Variants in DAB1 observed in about 807,000 individuals in gnomAD.
The protein encoded by DAB1 is disabled homolog 1.
In DAB1, 15 loss-of-function variants were observed where a neutral mutation model predicts 64.6. The observed-to-expected ratio is 0.23, with a 90% CI of 0.16 to 0.36. The LOEUF (loss-of-function observed/expected upper bound fraction) is 0.36. DAB1 is among the 10% of genes least tolerant of loss of function. The pLI, the probability that DAB1 is intolerant of heterozygous loss-of-function variation, is 1.00. For missense variants in DAB1, 596 were observed against 706.7 expected, an observed-to-expected ratio of 0.84 and a Z score of 1.78; for synonymous variants, 235 against 251.9, an observed-to-expected ratio of 0.93 and a Z score of 0.64.
chr1:57,123,811 T>C (rs1401536477), intron 4 of DAB1, among the ~76,000 whole-genome samples: 3 of 152,168 alleles, frequency 2.0e-5, no homozygotes, highest in Non-Finnish European at 1.5e-5. Context: ...GCGTGTATAG[T>C]TTAATTTCAA....
At chr1:57,685,870 A>G (rs3131761) in intron 6 of DAB1, among the ~76,000 whole-genome samples, 112,018 of 152,100 alleles carry the variant, frequency 0.74, 42,155 homozygotes, top group East Asian at 0.92. Flanking sequence ...TATGAAGATA[A>G]TGATACAACT....
chr1:57,952,041 T>C (rs1382480390), intron 5 of DAB1, among the ~76,000 whole-genome samples: 1 of 152,178 alleles, frequency 6.6e-6, no homozygotes, highest in Non-Finnish European at 1.5e-5. Context: ...TCTTTCTTCC[T>C]TTTACTAATG....
intron 6 of DAB1, among the ~76,000 whole-genome samples, chr1:57,746,797 T>C (rs1460246927): frequency 6.6e-6 from 1 of 152,214 alleles, no homozygotes; most frequent in Non-Finnish European, 1.5e-5. Flanking sequence ...TCCTTCCCCT[T>C]CATATTTTCA....
intron 6 of DAB1, among the ~76,000 whole-genome samples, chr1:57,739,985 G>C (rs1053966595): frequency 6.8e-6 from 1 of 146,610 alleles, no homozygotes; most frequent in Non-Finnish European, 1.5e-5. Context: ...ACTTGAGGCT[G>C]GGAGTCCAAG....
At chr1:57,299,215 G>T (rs1673436485) in intron 1 of DAB1, among the ~76,000 whole-genome samples, 1 of 152,164 alleles carries the variant, frequency 6.6e-6, no homozygotes, top group Admixed American at 6.5e-5. Flanking sequence ...GTATCTGATG[G>T]TCTAACTTTT....
intron 6 of DAB1, among the ~76,000 whole-genome samples, chr1:57,684,399 G>C (rs1367621972): frequency 6.6e-6 from 1 of 151,994 alleles, no homozygotes; most frequent in African/African-American, 2.4e-5. Flanking sequence ...CATATACAAA[G>C]GGAACTCTAT....
intron 2 of DAB1, among the ~76,000 whole-genome samples, chr1:57,266,590 C>T (rs1670606596): frequency 6.6e-6 from 1 of 152,190 alleles, no homozygotes. Context: ...TACTGGACTA[C>T]AGCAATTTTG....
At chr1:57,729,893 TC>T (rs1647336243) in intron 6 of DAB1, among the ~76,000 whole-genome samples, 1 of 152,120 alleles carries the variant, frequency 6.6e-6, no homozygotes, top group African/African-American at 2.4e-5. Flanking sequence ...AGACCCCATC[TC>T]TAAAATAAAA....
chr1:58,432,846 C>T (rs1370851562), intron 3 of DAB1, among the ~76,000 whole-genome samples: 1 of 152,216 alleles, frequency 6.6e-6, no homozygotes, highest in African/African-American at 2.4e-5. Flanking sequence ...AACTGGGCTT[C>T]TTTCAGGGCT....
intron 2 of DAB1, among the ~76,000 whole-genome samples, chr1:57,252,482 TCTC>T (rs767705588): frequency 6.6e-6 from 1 of 152,184 alleles, no homozygotes; most frequent in Non-Finnish European, 1.5e-5. Flanking sequence ...AGTTTGGTGA[TCTC>T]CTTTAACACA....
rs71043285 is a variant in DAB1 at position 58,300,544 on chromosome 1, AAAAGAAAGAAAGAAAG to A, written n.309+42792_309+42807del. 1.9e-4 allele frequency among the ~76,000 whole-genome samples: 19 copies of A among 101,182 alleles called. 1 individual carries two copies. Among genetic ancestry groups the A allele is most frequent in the East Asian group, 5.2e-4 (2 of 3,824 alleles). 66.4% of individuals were successfully genotyped at this position (101,182 alleles called of 152,430 possible). A position where few individuals can be genotyped will look rare whatever the true frequency, so the allele number is the denominator to read the frequency against. ...CCTGGGCAACAAAAGTGAAACTCTGAAAAGAAAGAAAGAAAGAAAGAAAGAAAGAAAGAAAGAAAGA... is the reference window on the plus strand; with the variant it reads ...CCTGGGCAACAAAAGTGAAACTCTGAAAAGAAAGAAAGAAAGAAAGAAAGA... On this transcript the variant is annotated intron_variant and non_coding_transcript_variant, in intron 4 of 20. Coordinates refer to the DAB1 transcript ENST00000485760.
At chr1:57,499,589 C>T (rs1644267573) in intron 7 of DAB1, among the ~76,000 whole-genome samples, 1 of 152,108 alleles carries the variant, frequency 6.6e-6, no homozygotes, top group Admixed American at 6.5e-5. Flanking sequence ...TTGTCCCGGA[C>T]TGGTGTTTTT....
intron 3 of DAB1, among the ~76,000 whole-genome samples, chr1:58,445,419 G>C (rs1645054427): frequency 6.6e-6 from 1 of 152,214 alleles, no homozygotes; most frequent in African/African-American, 2.4e-5. Flanking sequence ...CCTGCTCTTT[G>C]GTTCTGCAGA....
At chr1:58,054,482 A>C (rs1437672800) in intron 5 of DAB1, among the ~76,000 whole-genome samples, 1 of 152,242 alleles carries the variant, frequency 6.6e-6, no homozygotes, top group Non-Finnish European at 1.5e-5. Flanking sequence ...TAAATTAACA[A>C]GAAGTATTTA....
intron 7 of DAB1, among the ~76,000 whole-genome samples, chr1:57,466,518 T>A (rs1290253110): frequency 1.3e-5 from 2 of 152,184 alleles, no homozygotes; most frequent in Non-Finnish European, 2.9e-5. Flanking sequence ...TACGTATTAG[T>A]TTTCAATTGC....
At chr1:57,430,030 T>C (rs1685440239) in intron 7 of DAB1, among the ~76,000 whole-genome samples, 1 of 151,994 alleles carries the variant, frequency 6.6e-6, no homozygotes, top group African/African-American at 2.4e-5. Flanking sequence ...AAAAACGTAA[T>C]TAGCATTTTA....
intron 3 of DAB1, among the ~76,000 whole-genome samples, chr1:58,494,764 A>G (rs1241683443): frequency 2.6e-5 from 4 of 152,092 alleles, no homozygotes; most frequent in Non-Finnish European, 5.9e-5. Context: ...AAAAGTCAGG[A>G]AACTACAGGT....
chr1:58,043,974 C>T (rs1018402452), intron 5 of DAB1, among the ~76,000 whole-genome samples: 8 of 152,320 alleles, frequency 5.3e-5, no homozygotes, highest in African/African-American at 7.2e-5. Context: ...GATCCGCCTG[C>T]CTTGGCCTCT....
chr1:57,033,403 T>C, intron 9 of DAB1: 1 of 1,612,866 alleles, frequency 6.2e-7, no homozygotes. Context: ...GCCTCAAAAA[T>C]CTCATCAAAG....
Sources: gnomAD v4.1 joint callset for allele counts (sites outside exome capture counted in the v4.1 genomes callset) on GRCh38, gnomAD v4.1.1 for gene constraint, MANE v1.5 for transcripts, NCBI Gene and HGNC (gene_info 2026-07-23, HGNC 2026-07-21) for gene names.